Variants in CSMD1 observed in about 807,000 individuals in gnomAD.
CSMD1 encodes the protein CUB and Sushi multiple domains 1, also known as CUB and sushi domain-containing protein 1.
CSMD1 carries 213 observed loss-of-function variants against 417.5 expected under a neutral mutation model. That is an observed-to-expected ratio of 0.51 (90% CI 0.46 to 0.57). The LOEUF (loss-of-function observed/expected upper bound fraction) is 0.57. CSMD1 is among the 20% of genes least tolerant of loss of function. The pLI, the probability that CSMD1 is intolerant of heterozygous loss-of-function variation, is 0.00. For missense variants in CSMD1, 6,923 were observed against 4,529.7 expected (o/e 1.53, Z -15.17); for synonymous variants, 2,862 against 1,736.8 (o/e 1.65, Z -16.11).
intron 5 of CSMD1, among the ~76,000 whole-genome samples, chr8:3,989,230 T>C (rs1442557517): frequency 6.6e-6 from 1 of 152,190 alleles, no homozygotes; most frequent in Non-Finnish European, 1.5e-5. Flanking sequence ...TTACAGACAG[T>C]GATCTGGGAC....
chr8:3,725,189 G>T (rs1374289314), intron 6 of CSMD1, among the ~76,000 whole-genome samples: 1 of 152,118 alleles, frequency 6.6e-6, no homozygotes, highest in Non-Finnish European at 1.5e-5. Context: ...CAAGGAGGTA[G>T]GTTCAAGGAA....
chr8:3,995,866 C>T (rs984246297), intron 5 of CSMD1, among the ~76,000 whole-genome samples: 1 of 152,204 alleles, frequency 6.6e-6, no homozygotes, highest in African/African-American at 2.4e-5. Context: ...CACACAGGAT[C>T]ATAGTTCCCA....
intron 7 of CSMD1, among the ~76,000 whole-genome samples, chr8:3,640,436 T>C (rs1311596942): frequency 1.3e-5 from 2 of 152,242 alleles, no homozygotes; most frequent in African/African-American, 2.4e-5. Flanking sequence ...ATCTTTCCTA[T>C]GTCCTCGGAC....
chr8:3,534,817 T>C (rs1425856336), intron 10 of CSMD1, among the ~76,000 whole-genome samples: 2 of 152,238 alleles, frequency 1.3e-5, no homozygotes, highest in African/African-American at 2.4e-5. Context: ...ACATTTTCTT[T>C]GGGTCACATT....
chr8:3,461,399 T>C (rs1442958264), intron 12 of CSMD1, among the ~76,000 whole-genome samples: 1 of 152,118 alleles, frequency 6.6e-6, no homozygotes, highest in Non-Finnish European at 1.5e-5. Flanking sequence ...TCACCCTAAA[T>C]CCACGGCCAT....
intron 3 of CSMD1, among the ~76,000 whole-genome samples, chr8:4,299,754 C>T (rs1200698924): frequency 1.3e-5 from 2 of 152,032 alleles, no homozygotes; most frequent in Non-Finnish European, 2.9e-5. Context: ...CCTCAGCCTC[C>T]CGAGTAGCTG....
At chr8:3,255,748 T>G (rs1487761195) in intron 26 of CSMD1, among the ~76,000 whole-genome samples, 1 of 152,110 alleles carries the variant, frequency 6.6e-6, no homozygotes, top group Admixed American at 6.6e-5. Context: ...GTGACCGGAT[T>G]TTCCAGGTGC....
intron 3 of CSMD1, among the ~76,000 whole-genome samples, chr8:4,289,619 G>A (rs943072244): frequency 6.6e-6 from 1 of 152,140 alleles, no homozygotes; most frequent in Non-Finnish European, 1.5e-5. Context: ...GATGATGGTG[G>A]GGATCTGCTG....
At chr8:3,111,397 C>T (rs992711916) in intron 42 of CSMD1, among the ~76,000 whole-genome samples, 66 of 152,228 alleles carry the variant, frequency 4.3e-4, no homozygotes, top group African/African-American at 1.4e-3. Context: ...AGTTTTACTG[C>T]GTAATTATTA....
chr8:4,445,269 T>A (rs956641025), intron 2 of CSMD1, among the ~76,000 whole-genome samples: 6 of 152,206 alleles, frequency 3.9e-5, no homozygotes, highest in African/African-American at 1.4e-4. Context: ...ATATGTTCTC[T>A]GTCATTACCT....
Position 3,714,445 on chromosome 8 carries a change from A to G in CSMD1, c.932-5954T>C, listed in dbSNP as rs566908510. Among the ~76,000 whole-genome samples, 8 of 151,306 alleles carry G rather than the reference A, an allele frequency of 5.3e-5. No individual in the cohort carries two copies. The East Asian group carries it at 1.6e-3, about 29-fold the overall frequency. On this transcript the variant is annotated intron_variant, in intron 6 of 69. Transcript: ENST00000635120. ...ACAGTGTATTTAGACTTTTTTGACC[A>G]GGCATGGTGGTTCACATCTGTAATC... is the stretch of plus-strand genomic sequence containing the variant.
At chr8:4,773,667 G>T (rs566099587) in intron 1 of CSMD1, among the ~76,000 whole-genome samples, 1 of 152,092 alleles carries the variant, frequency 6.6e-6, no homozygotes, top group Non-Finnish European at 1.5e-5. Context: ...TGTTTGTGCA[G>T]CCTTTATCGT....
intron 3 of CSMD1, among the ~76,000 whole-genome samples, chr8:4,173,715 C>G (rs942969182): frequency 5.3e-5 from 8 of 151,954 alleles, no homozygotes; most frequent in Non-Finnish European, 1.2e-4. Flanking sequence ...ATTCAGCAAT[C>G]AATGAGAAAA....
At chr8:4,187,404 T>A (rs926054154) in intron 3 of CSMD1, among the ~76,000 whole-genome samples, 3 of 152,074 alleles carry the variant, frequency 2.0e-5, no homozygotes, top group Admixed American at 1.3e-4. Context: ...CCCAGCACTT[T>A]GGGAGGCCAA....
intron 57 of CSMD1, 117 bp from the exon 58 acceptor site, chr8:2,966,863 G>A: frequency 4.5e-6 from 4 of 880,934 alleles, no homozygotes; most frequent in Non-Finnish European, 1.8e-6. Context: ...CAAACCCAAA[G>A]CACACAATCC....
At position 3,574,158 on chromosome 8, in the gene CSMD1, C is replaced by T. The variant is rs535255390; in HGVS notation, c.1344+787G>A. On this transcript the variant is annotated intron_variant, in intron 10 of 69. Coordinates refer to ENST00000635120, the MANE Select transcript of CSMD1 (RefSeq NM_033225.6). ...AGTATTTAAGAAAGAGGAAAACACG[C>T]TCAGATGTTTAATTCTTGAAAAACG... Among the ~76,000 whole-genome samples the T allele has an allele frequency of 2.0e-5, 3 of 152,296 alleles. No individual in the cohort carries two copies. The East Asian group carries it at 5.8e-4, about 29-fold the overall frequency.
At chr8:4,008,982 C>A (rs191037005) in intron 4 of CSMD1, among the ~76,000 whole-genome samples, 4 of 152,186 alleles carry the variant, frequency 2.6e-5, no homozygotes, top group Admixed American at 2.0e-4. Context: ...ACAGCAAAAT[C>A]GTCAGTGGGT....
chr8:4,540,166 C>T (rs980461317), intron 2 of CSMD1, among the ~76,000 whole-genome samples: 4 of 152,082 alleles, frequency 2.6e-5, no homozygotes, highest in Admixed American at 6.6e-5. Context: ...ATGATGGACT[C>T]AAGTTAGGAA....
In CSMD1 at chr8:3,396,315, C is replaced by A. The variant is rs1471505289; in HGVS notation, c.2472G>T (p.Leu824=). The change falls in exon 17 of 70, where the codon CTG becomes CTT. Residue 824 remains leucine (L), a synonymous_variant. Transcript: ENST00000635120. ...CCTGGGTGCCGTGGTACTCGCCGAT[C>A]AGTGGGGACGAACTGGCTGGCCCAT... ...VRDGPASSSP[L]IGEYHGTQAP... 1 of 1,607,906 alleles carries A rather than the reference C, an allele frequency of 6.2e-7. No individual in the cohort carries two copies. The highest frequency in any genetic ancestry group is 8.5e-7 in the Non-Finnish European group (1 of 1,177,230).
Sources: gnomAD v4.1 joint callset for allele counts (sites outside exome capture counted in the v4.1 genomes callset) on GRCh38, gnomAD v4.1.1 for gene constraint, MANE v1.5 for transcripts, NCBI Gene and HGNC (gene_info 2026-07-23, HGNC 2026-07-21) for gene names.